Variants in DNAH8 observed in about 807,000 individuals in gnomAD.
The protein encoded by DNAH8 is axonemal beta dynein heavy chain 8.
Under a neutral mutation model 562.1 loss-of-function variants are expected in DNAH8, and 382 were observed. The observed-to-expected ratio is 0.68, with a 90% CI of 0.63 to 0.74. DNAH8 has a LOEUF of 0.74. Ranked by LOEUF, DNAH8 falls within the 30% of genes least tolerant of loss-of-function variation. The probability of loss-of-function intolerance (pLI) is 0.00; values close to 1 mark genes in which losing one functional copy is unlikely to be tolerated. For synonymous variants in DNAH8, 1,881 were observed against 1,919.4 expected (o/e 0.98, Z 0.52); for missense variants, 5,203 against 5,620.4 (o/e 0.93, Z 2.37).
At chr6:38,885,517 C>T (rs1297957875) in intron 56 of DNAH8, among the ~76,000 whole-genome samples, 2 of 152,176 alleles carry the variant, frequency 1.3e-5, no homozygotes, top group East Asian at 3.9e-4. Flanking sequence ...CTCTTCTGGT[C>T]AACATCCTCC....
At chr6:38,979,727 C>T (rs543278730) in intron 85 of DNAH8, among the ~76,000 whole-genome samples, 2 of 152,284 alleles carry the variant, frequency 1.3e-5, no homozygotes, top group African/African-American at 4.8e-5. Context: ...TAAAGAACAA[C>T]TAAATTGCAG....
At chr6:39,018,193 C>T (rs1299765470) in intron 91 of DNAH8, among the ~76,000 whole-genome samples, 6 of 152,212 alleles carry the variant, frequency 3.9e-5, no homozygotes, top group South Asian at 2.1e-4. Context: ...GCAGCTTTTA[C>T]GCACTGGCCT....
chr6:38,910,196 T>A (rs940424398), intron 65 of DNAH8, among the ~76,000 whole-genome samples: 5 of 152,246 alleles, frequency 3.3e-5, no homozygotes, highest in African/African-American at 1.2e-4. Flanking sequence ...AATGTTTCTA[T>A]GCCAGACAAC....
At chr6:38,744,678 G>A (rs947108310) in intron 8 of DNAH8, among the ~76,000 whole-genome samples, 3 of 151,976 alleles carry the variant, frequency 2.0e-5, no homozygotes, top group Admixed American at 1.3e-4. Context: ...CTGCACGCTC[G>A]ACCTCCCGGG....
At chr6:39,001,373 G>A (rs1211899447) in intron 88 of DNAH8, among the ~76,000 whole-genome samples, 4 of 152,046 alleles carry the variant, frequency 2.6e-5, no homozygotes, top group African/African-American at 9.7e-5. Context: ...AGAATGACAA[G>A]TACAACAATA....
At chr6:38,901,091 T>G (rs904687324) in intron 62 of DNAH8, among the ~76,000 whole-genome samples, 4 of 152,192 alleles carry the variant, frequency 2.6e-5, no homozygotes, top group Middle Eastern at 3.2e-3. Context: ...TCTTATTGAT[T>G]GTTAGGAATT....
At chr6:38,851,544 G>T (rs1446460094) in intron 38 of DNAH8, 28 bp from the exon 39 acceptor site, 2 of 1,440,686 alleles carry the variant, frequency 1.4e-6, no homozygotes, top group Non-Finnish European at 9.6e-7. Flanking sequence ...AAAACCACTT[G>T]GTAACATACT....
intron 4 of DNAH8, among the ~76,000 whole-genome samples, chr6:38,733,872 C>T (rs1413012079): frequency 6.7e-6 from 1 of 149,052 alleles, no homozygotes; most frequent in African/African-American, 2.5e-5. Context: ...GATTGTGCCA[C>T]AGCACTGCAG....
chr6:39,013,479 AAAG>A (rs1165139807), intron 91 of DNAH8, among the ~76,000 whole-genome samples: 3 of 152,222 alleles, frequency 2.0e-5, no homozygotes, highest in African/African-American at 7.2e-5. Flanking sequence ...CCATTTATAC[AAAG>A]AAGAAGAACA....
chr6:38,765,841 G>A (rs955709353), intron 11 of DNAH8, among the ~76,000 whole-genome samples: 1 of 152,170 alleles, frequency 6.6e-6, no homozygotes, highest in Non-Finnish European at 1.5e-5. Context: ...GCAAGTGTTG[G>A]TGAGGATGTG....
chr6:38,849,570 T>TG (rs759771445), intron 37 of DNAH8, among the ~76,000 whole-genome samples: 1,622 of 145,196 alleles, frequency 0.011, 20 homozygotes, highest in South Asian at 0.026. Flanking sequence ...GTTTTTTTTT[T>TG]GCTTTTTTTT....
chr6:38,946,756 G>A (rs955909120), intron 80 of DNAH8, among the ~76,000 whole-genome samples: 2 of 152,092 alleles, frequency 1.3e-5, no homozygotes, highest in Non-Finnish European at 2.9e-5. Flanking sequence ...GTTGCAGTGA[G>A]CCGAAATTGC....
At chr6:38,993,437 T>TA (rs1242578630) in intron 88 of DNAH8, among the ~76,000 whole-genome samples, 1 of 123,910 alleles carries the variant, frequency 8.1e-6, no homozygotes, top group African/African-American at 2.8e-5. Context: ...GTATTACATT[T>TA]AAGGGTTTTT....
intron 11 of DNAH8, among the ~76,000 whole-genome samples, chr6:38,766,139 A>ATGTGTGTGTGTGCGCGTGTGTG (rs1554203810): frequency 6.6e-6 from 1 of 150,892 alleles, no homozygotes; most frequent in East Asian, 1.9e-4. Context: ...ATGTGTTTGT[A>ATGTGTGTGTGTGCGCGTGTGTG]TGTGTGTGTG....
intron 3 of DNAH8, among the ~76,000 whole-genome samples, chr6:38,728,679 G>A (rs1246620356): frequency 6.6e-6 from 1 of 152,202 alleles, no homozygotes; most frequent in Non-Finnish European, 1.5e-5. Flanking sequence ...AAGGGCTAGA[G>A]TTACGCACAT....
intron 33 of DNAH8, among the ~76,000 whole-genome samples, chr6:38,840,509 A>T (rs571894815): frequency 6.6e-6 from 1 of 152,210 alleles, no homozygotes; most frequent in Non-Finnish European, 1.5e-5. Flanking sequence ...ATATTGCATG[A>T]TAAGGCCCTT....
rs1338283492 is a variant in DNAH8, at chr6:38,867,980, G to T, written c.6694-82G>T. ...ACTATCCCATATAAGTATCAGAATC[G>T]ACCTATATGCATAGAGTGAGCCGTG... is the stretch of plus-strand genomic sequence containing the variant. On this transcript the variant is annotated intron_variant, in intron 47 of 92. Transcript: ENST00000327475. The T allele has an allele frequency of 7.3e-6, 10 of 1,373,468 alleles. No homozygotes were observed. In the East Asian group the frequency reaches 9.4e-5, roughly 13 times the overall value. 85.1% of individuals were successfully genotyped at this position (1,373,468 alleles called of 1,614,324 possible).
At chr6:38,838,774 G>T (rs1367515774) in intron 33 of DNAH8, among the ~76,000 whole-genome samples, 1 of 152,102 alleles carries the variant, frequency 6.6e-6, no homozygotes, top group Non-Finnish European at 1.5e-5. Context: ...TGAGATTGAC[G>T]TCCAAATAAG....
chr6:38,999,911 G>A lies in DNAH8; in HGVS notation c.13215-8903G>A, dbSNP rs1046503663. Among the ~76,000 whole-genome samples the A allele has an allele frequency of 2.8e-5, 3 of 108,864 alleles. No individual in the cohort carries two copies. The Admixed American group carries it at 3.2e-4, about 12-fold the overall frequency. The allele number at this position is 108,864 out of a possible 152,430, so 71.4% of individuals were successfully genotyped here. A position where few individuals can be genotyped will look rare whatever the true frequency, so the allele number is the denominator to read the frequency against. On this transcript the variant is annotated intron_variant, in intron 88 of 92. Coordinates refer to ENST00000327475, the MANE Select transcript of DNAH8 (RefSeq NM_001206927.2). Reference sequence around the variant, plus strand: ...AAATGAATACAAAAGTTGTAATAAGGCATTTATACACACACACACACAAAC... The same window carrying A: ...AAATGAATACAAAAGTTGTAATAAGACATTTATACACACACACACACAAAC...
Sources: gnomAD v4.1 joint callset for allele counts (sites outside exome capture counted in the v4.1 genomes callset) on GRCh38, gnomAD v4.1.1 for gene constraint, MANE v1.5 for transcripts, NCBI Gene and HGNC (gene_info 2026-07-23, HGNC 2026-07-21) for gene names.